Variants in FGF14 observed in about 807,000 individuals in gnomAD.
The protein encoded by FGF14 is fibroblast growth factor 14.
In FGF14, 5 loss-of-function variants were observed where a neutral mutation model predicts 25.5. That is an observed-to-expected ratio of 0.20 (90% CI 0.10 to 0.41). The LOEUF is 0.41. FGF14 is among the 10% of genes least tolerant of loss of function. The pLI is 1.00. For synonymous variants in FGF14, 138 were observed against 118.3 expected (o/e 1.17, Z -1.08); for missense variants, 222 against 320.1 (o/e 0.69, Z 2.34).
intron 1 of FGF14, among the ~76,000 whole-genome samples, chr13:101,997,460 A>G (rs78072382): frequency 0.022 from 3,289 of 152,328 alleles, 120 homozygotes; most frequent in African/African-American, 0.076. Flanking sequence ...CATGGAGATA[A>G]CTGATTTTAC....
chr13:102,068,808 C>T lies in FGF14; in HGVS notation c.209-193512G>A, dbSNP rs561954664. On this transcript the variant is annotated intron_variant, in intron 1 of 4. Transcript: ENST00000376131. ...GAGCCTCCCCGACGAGCACCACCCC[C>T]CTGCTCCAAGGTGCCCAGTCCCATC... is the stretch of plus-strand genomic sequence containing the variant. Among the ~76,000 whole-genome samples the T allele has an allele frequency of 6.7e-4, 102 of 152,350 alleles. 3 individuals are homozygous for T. In the South Asian group the frequency reaches 0.02, roughly 31 times the overall value.
chr13:101,861,626 T>C (rs2044421135), intron 3 of FGF14, among the ~76,000 whole-genome samples: 1 of 152,052 alleles, frequency 6.6e-6, no homozygotes, highest in African/African-American at 2.4e-5. Context: ...TCTTCCTTTC[T>C]AAAATTAAGG....
At chr13:101,988,237 T>C (rs924550462) in intron 1 of FGF14, among the ~76,000 whole-genome samples, 1 of 151,756 alleles carries the variant, frequency 6.6e-6, no homozygotes, top group African/African-American at 2.4e-5. Flanking sequence ...AAAGTGAAAT[T>C]GCAGAAACAG....
intron 1 of FGF14, among the ~76,000 whole-genome samples, chr13:101,991,411 A>C (rs2038897030): frequency 6.6e-6 from 1 of 152,126 alleles, no homozygotes. Flanking sequence ...GATTAAGGAG[A>C]ATACAGTGGA....
At chr13:102,227,740 A>C (rs2050892247) in intron 1 of FGF14, among the ~76,000 whole-genome samples, 1 of 152,180 alleles carries the variant, frequency 6.6e-6, no homozygotes. Flanking sequence ...GTAATATAAA[A>C]ATACTAAGTA....
At chr13:102,244,843 T>C (rs1317926364) in intron 1 of FGF14, among the ~76,000 whole-genome samples, 1 of 152,106 alleles carries the variant, frequency 6.6e-6, no homozygotes, top group Non-Finnish European at 1.5e-5. Context: ...CACATGTTTC[T>C]GTTAACACAC....
At chr13:102,316,890 C>T (rs944395447) in intron 1 of FGF14, among the ~76,000 whole-genome samples, 1 of 152,118 alleles carries the variant, frequency 6.6e-6, no homozygotes, top group Non-Finnish European at 1.5e-5. Context: ...ATATTAAATG[C>T]TGGCATCTTT....
chr13:101,969,507 T>C (rs551966711), intron 1 of FGF14, among the ~76,000 whole-genome samples: 2 of 152,320 alleles, frequency 1.3e-5, no homozygotes, highest in South Asian at 4.1e-4. Context: ...CTTCTAAACA[T>C]TATATTTCAA....
chr13:102,069,892 G>C (rs2043085101), intron 1 of FGF14, among the ~76,000 whole-genome samples: 1 of 152,182 alleles, frequency 6.6e-6, no homozygotes, highest in South Asian at 2.1e-4. Flanking sequence ...TGGATCACCT[G>C]GCGGGTGGAA....
chr13:102,048,277 C>A (rs1483381459), intron 1 of FGF14, among the ~76,000 whole-genome samples: 3 of 152,016 alleles, frequency 2.0e-5, no homozygotes, highest in African/African-American at 7.3e-5. Flanking sequence ...TATGTTTTGT[C>A]TTCTAGAAAA....
In FGF14 at chr13:101,713,144, CTT is replaced by C. The variant is rs970644208; in HGVS notation, c.*9685_*9686del. 4.6e-5 allele frequency: 7 copies of C among 152,152 alleles called. No individual in the cohort carries two copies. The highest frequency in any genetic ancestry group is 1.7e-4 in the African/African-American group (7 of 41,428). 9.4% of individuals were successfully genotyped at this position (152,152 alleles called of 1,614,324 possible). A position where few individuals can be genotyped will look rare whatever the true frequency, so the allele number is the denominator to read the frequency against. The stretch of plus-strand genomic sequence containing the variant: ...AGAAATGGCAAACATTTAATTTGGA[CTT>C]TGGGGATTTTTGCAGCTGAAATGCA... On this transcript the variant is annotated 3_prime_UTR_variant, in exon 5 of 5. Coordinates refer to ENST00000376143, the MANE Select transcript of FGF14 (RefSeq NM_004115.4).
chr13:102,158,027 G>A (rs1479248492), intron 1 of FGF14, among the ~76,000 whole-genome samples: 1 of 152,186 alleles, frequency 6.6e-6, no homozygotes, highest in Non-Finnish European at 1.5e-5. Flanking sequence ...AAAAGCAGGT[G>A]CTGGAGAGGA....
intron 1 of FGF14, among the ~76,000 whole-genome samples, chr13:102,176,001 C>A (rs1221289689): frequency 6.6e-6 from 1 of 152,028 alleles, no homozygotes; most frequent in African/African-American, 2.4e-5. Context: ...CCACGGAAAA[C>A]AGTATAGAGA....
chr13:102,157,975 C>T (rs902421723), intron 1 of FGF14, among the ~76,000 whole-genome samples: 5 of 152,130 alleles, frequency 3.3e-5, no homozygotes, highest in African/African-American at 1.2e-4. Flanking sequence ...AATGAGATAC[C>T]ATCTCACACC....
rs1355666572 is a variant in FGF14 at position 102,187,664 on chromosome 13, A to G, written c.208+213807T>C. Among the ~76,000 whole-genome samples, 3 of 152,232 alleles carry G rather than the reference A, an allele frequency of 2.0e-5. No individual in the cohort carries two copies. In the East Asian group the frequency reaches 5.8e-4, roughly 29 times the overall value. Reference sequence around the variant, plus strand: ...TCTTAAGTACCACGCACATTTGAGGACAGACAAAACAGACATACCATGAAA... The same window carrying G: ...TCTTAAGTACCACGCACATTTGAGGGCAGACAAAACAGACATACCATGAAA... On this transcript the variant is annotated intron_variant, in intron 1 of 4. Coordinates refer to the FGF14 transcript ENST00000376131.
intron 1 of FGF14, among the ~76,000 whole-genome samples, chr13:102,371,547 A>G (rs906320273): frequency 3.3e-5 from 5 of 152,134 alleles, no homozygotes; most frequent in Admixed American, 2.6e-4. Context: ...TTTCATTGTT[A>G]TAGCTCTTGT....
At chr13:101,810,478 G>C (rs2041442992) in intron 3 of FGF14, among the ~76,000 whole-genome samples, 1 of 152,178 alleles carries the variant, frequency 6.6e-6, no homozygotes, top group African/African-American at 2.4e-5. Flanking sequence ...GATGAAGCCT[G>C]CTTAGTGGGC....
At chr13:101,948,141 C>T (rs115471038) in intron 1 of FGF14, among the ~76,000 whole-genome samples, 531 of 152,264 alleles carry the variant, frequency 3.5e-3, no homozygotes, top group African/African-American at 0.011. Flanking sequence ...AGCAATGGTA[C>T]ATAGTAAATG....
intron 1 of FGF14, among the ~76,000 whole-genome samples, chr13:101,952,551 C>G (rs961402549): frequency 3.2e-4 from 49 of 152,126 alleles, no homozygotes; most frequent in Non-Finnish European, 4.3e-4. Flanking sequence ...AATAACTTTC[C>G]TGTGGCTGTT....
Sources: gnomAD v4.1 joint callset for allele counts (sites outside exome capture counted in the v4.1 genomes callset) on GRCh38, gnomAD v4.1.1 for gene constraint, MANE v1.5 for transcripts, NCBI Gene and HGNC (gene_info 2026-07-23, HGNC 2026-07-21) for gene names.